DLGAP2: variants seen among roughly 807,000 people sequenced by gnomAD.
The protein encoded by DLGAP2 is disks large-associated protein 2.
Under a neutral mutation model 100.3 loss-of-function variants are expected in DLGAP2, and 26 were observed. That is an observed-to-expected ratio of 0.26 (90% CI 0.19 to 0.36). The LOEUF (loss-of-function observed/expected upper bound fraction) is 0.36, where lower values mean the gene tolerates loss of function less well. Among genes scored for constraint, DLGAP2 ranks in the 10% least tolerant of loss-of-function variants. The pLI is 1.00. For missense variants in DLGAP2, 1,858 were observed against 1,453.2 expected, an observed-to-expected ratio of 1.28 and a Z score of -4.53; for synonymous variants, 886 against 630.1, an observed-to-expected ratio of 1.41 and a Z score of -6.08.
chr8:1,025,595 G>A (rs138718589), intron 2 of DLGAP2, among the ~76,000 whole-genome samples: 132 of 152,304 alleles, frequency 8.7e-4, no homozygotes, highest in African/African-American at 3.0e-3. Flanking sequence ...TCTGCCGCTC[G>A]GTGAGGATGA....
At chr8:1,605,675 A>G (rs1273724306) in intron 6 of DLGAP2, among the ~76,000 whole-genome samples, 50 of 152,144 alleles carry the variant, frequency 3.3e-4, no homozygotes, top group Admixed American at 3.2e-3. Context: ...TCCCTGTTAT[A>G]AGGAAGAAAA....
rs1193836547 is a variant in DLGAP2, at chr8:1,165,273, CAG to C, written c.74-93574_74-93573del. 3.3e-5 allele frequency among the ~76,000 whole-genome samples: 5 copies of C among 151,164 alleles called. No individual in the cohort carries two copies. In the East Asian group the frequency reaches 7.8e-4, roughly 24 times the overall value. ...GAAGACAGATGGAGAAGAAGGGAGA[CAG>C]AGACAGAGATGGGGAGAGAGACAGG... On this transcript the variant is annotated intron_variant, in intron 2 of 14. Coordinates refer to ENST00000637795, the MANE Select transcript of DLGAP2 (RefSeq NM_001346810.2).
intron 3 of DLGAP2, among the ~76,000 whole-genome samples, chr8:1,416,172 A>C (rs1357929539): frequency 6.6e-6 from 1 of 152,206 alleles, no homozygotes; most frequent in Non-Finnish European, 1.5e-5. Context: ...CGTGAAACCC[A>C]TCCTGTCCCC....
At chr8:1,008,688 G>A (rs1031904128) in intron 2 of DLGAP2, among the ~76,000 whole-genome samples, 3 of 152,196 alleles carry the variant, frequency 2.0e-5, no homozygotes, top group Non-Finnish European at 4.4e-5. Flanking sequence ...GCCTCTGCAG[G>A]AGGACTGGTA....
In DLGAP2 at chr8:1,252,192, G is replaced by A. The variant is rs112623480; in HGVS notation, c.74-6659G>A. On this transcript the variant is annotated intron_variant, in intron 2 of 14. Coordinates refer to ENST00000637795, the MANE Select transcript of DLGAP2 (RefSeq NM_001346810.2). ...TGTCCTGGGTCACGGTGTCACAGTC[G>A]TGTCATGTCACACTTGTCACACTGT... Among the ~76,000 whole-genome samples, 519 of 121,656 alleles carry A rather than the reference G, an allele frequency of 4.3e-3. 2 individuals carry two copies. Among genetic ancestry groups the A allele is most frequent in the African/African-American group, 0.014 (442 of 31,814 alleles). The allele number at this position is 121,656 out of a possible 152,430, so 79.8% of individuals were successfully genotyped here.
intron 6 of DLGAP2, among the ~76,000 whole-genome samples, chr8:1,581,279 G>C (rs912257868): frequency 1.3e-4 from 19 of 141,794 alleles, no homozygotes; most frequent in African/African-American, 5.2e-4. Flanking sequence ...AGAAGAGAAG[G>C]ATACAGACAA....
chr8:1,208,641 G>A (rs1798044218), intron 2 of DLGAP2, among the ~76,000 whole-genome samples: 1 of 152,014 alleles, frequency 6.6e-6, no homozygotes, highest in Admixed American at 6.6e-5. Flanking sequence ...AATCAGACAA[G>A]AGAAAGAAAT....
chr8:1,568,435 C>CG (rs1341826623), intron 6 of DLGAP2, among the ~76,000 whole-genome samples: 5 of 146,508 alleles, frequency 3.4e-5, no homozygotes, highest in Non-Finnish European at 4.5e-5. Context: ...GACACAAATC[C>CG]ACTCTGCCCG....
At chr8:1,460,303 T>C (rs1006304122) in intron 3 of DLGAP2, among the ~76,000 whole-genome samples, 3 of 152,236 alleles carry the variant, frequency 2.0e-5, no homozygotes, top group African/African-American at 7.2e-5. Flanking sequence ...TTATGACTAT[T>C]TTGTTTTAAT....
chr8:1,333,729 A>G (rs769532538), intron 3 of DLGAP2, among the ~76,000 whole-genome samples: 2 of 152,182 alleles, frequency 1.3e-5, no homozygotes, highest in African/African-American at 2.4e-5. Flanking sequence ...ATTCAGTTTC[A>G]TATGGTTCTC....
intron 1 of DLGAP2, among the ~76,000 whole-genome samples, chr8:905,856 C>T (rs879497905): frequency 2.8e-5 from 4 of 143,258 alleles, no homozygotes; most frequent in Admixed American, 1.4e-4. Flanking sequence ...GTCTTGTGAC[C>T]TCTCGCGGCC....
At chr8:1,332,089 C>T (rs1023122583) in intron 3 of DLGAP2, among the ~76,000 whole-genome samples, 1 of 152,228 alleles carries the variant, frequency 6.6e-6, no homozygotes, top group Admixed American at 6.5e-5. Context: ...CCTGGCACAG[C>T]CCATCCCCAA....
At chr8:1,126,805 C>T (rs1254151584) in intron 2 of DLGAP2, among the ~76,000 whole-genome samples, 1 of 152,032 alleles carries the variant, frequency 6.6e-6, no homozygotes, top group Non-Finnish European at 1.5e-5. Context: ...GGTCTGGAGA[C>T]TCCCACGGGC....
At chr8:1,135,111 A>T (rs1796377289) in intron 2 of DLGAP2, among the ~76,000 whole-genome samples, 1 of 152,222 alleles carries the variant, frequency 6.6e-6, no homozygotes, top group Non-Finnish European at 1.5e-5. Flanking sequence ...TAACACCTTA[A>T]CCTGTAAAGC....
intron 2 of DLGAP2, among the ~76,000 whole-genome samples, chr8:1,139,367 T>C (rs180729475): frequency 6.6e-6 from 1 of 152,226 alleles, no homozygotes; most frequent in Non-Finnish European, 1.5e-5. Context: ...AGACATTTCC[T>C]TCTCACAGTT....
intron 3 of DLGAP2, among the ~76,000 whole-genome samples, chr8:1,438,747 G>A (rs1420749844): frequency 7.2e-5 from 11 of 152,172 alleles, no homozygotes; most frequent in African/African-American, 2.7e-4. Context: ...TGATAACAAC[G>A]AAATTCTTAG....
chr8:1,326,394 T>C (rs959743740), intron 3 of DLGAP2, among the ~76,000 whole-genome samples: 2 of 152,200 alleles, frequency 1.3e-5, no homozygotes, highest in Non-Finnish European at 2.9e-5. Flanking sequence ...CAAAACTCTC[T>C]CCCACTGACT....
chr8:986,218 G>A (rs1002414257), intron 2 of DLGAP2, among the ~76,000 whole-genome samples: 2 of 152,176 alleles, frequency 1.3e-5, no homozygotes, highest in African/African-American at 4.8e-5. Context: ...AGCTTAGGAT[G>A]TTTAGCACAG....
chr8:1,439,251 C>A (rs972612576), intron 3 of DLGAP2, among the ~76,000 whole-genome samples: 4 of 152,142 alleles, frequency 2.6e-5, no homozygotes, highest in African/African-American at 9.7e-5. Context: ...CTGAACAGCA[C>A]GTGGCAGCCG....
Sources: gnomAD v4.1 joint callset for allele counts (sites outside exome capture counted in the v4.1 genomes callset) on GRCh38, gnomAD v4.1.1 for gene constraint, MANE v1.5 for transcripts, NCBI Gene and HGNC (gene_info 2026-07-23, HGNC 2026-07-21) for gene names.